The following MYRIP variants were observed in gnomAD, a reference collection of about 807,000 sequenced individuals.
MYRIP encodes rab effector MyRIP.
MYRIP carries 49 observed loss-of-function variants against 98.0 expected under a neutral mutation model. That is an observed-to-expected ratio of 0.50 (90% confidence interval 0.40 to 0.63). The LOEUF (loss-of-function observed/expected upper bound fraction) is 0.63, where lower values mean the gene tolerates loss of function less well. Among genes scored for constraint, MYRIP ranks in the 30% least tolerant of loss-of-function variants. The pLI, the probability that MYRIP is intolerant of heterozygous loss-of-function variation, is 0.00. For synonymous variants in MYRIP, 404 were observed against 409.5 expected (o/e 0.99, Z 0.16); for missense variants, 1,004 against 1,058.2 (o/e 0.95, Z 0.71).
intron 3 of MYRIP, among the ~76,000 whole-genome samples, chr3:40,075,517 CA>C (rs1350685848): frequency 1.3e-5 from 2 of 152,196 alleles, no homozygotes; most frequent in Non-Finnish European, 2.9e-5. Context: ...TAATATGAGG[CA>C]AGTTATTCAG....
chr3:39,955,624 A>G (rs1026850183), intron 2 of MYRIP, among the ~76,000 whole-genome samples: 12 of 152,244 alleles, frequency 7.9e-5, no homozygotes, highest in Non-Finnish European at 1.0e-4. Context: ...ATCAACTAAC[A>G]AGCAAAATAA....
At chr3:39,810,314 G>A (rs1405692911) in intron 1 of MYRIP, among the ~76,000 whole-genome samples, 1 of 152,260 alleles carries the variant, frequency 6.6e-6, no homozygotes, top group Non-Finnish European at 1.5e-5. Context: ...CGCCCCGCAA[G>A]CAGCCCAGCG....
intron 3 of MYRIP, among the ~76,000 whole-genome samples, chr3:40,143,775 A>C (rs1244569638): frequency 6.6e-6 from 1 of 152,214 alleles, no homozygotes; most frequent in African/African-American, 2.4e-5. Context: ...CACACATCTT[A>C]TCATTTTTGT....
chr3:39,992,215 C>G (rs1001477312), intron 2 of MYRIP, among the ~76,000 whole-genome samples: 6 of 152,158 alleles, frequency 3.9e-5, no homozygotes, highest in Non-Finnish European at 8.8e-5. Flanking sequence ...ACCCATTTAT[C>G]AAGCCTCTCA....
At chr3:40,034,568 A>G (rs1337470177) in intron 2 of MYRIP, among the ~76,000 whole-genome samples, 6 of 150,676 alleles carry the variant, frequency 4.0e-5, no homozygotes, top group Non-Finnish European at 5.9e-5. Flanking sequence ...AAAAGTCTGG[A>G]AACAACAGGT....
chr3:39,820,382 T>TTTTGTTTGTTTG (rs59564629), intron 1 of MYRIP, among the ~76,000 whole-genome samples: 6 of 151,124 alleles, frequency 4.0e-5, no homozygotes, highest in East Asian at 3.9e-4. Context: ...TACATGATGG[T>TTTTGTTTGTTTG]TTTGTTTGTT....
intron 5 of MYRIP, among the ~76,000 whole-genome samples, chr3:40,164,393 G>T (rs1055033412): frequency 2.0e-5 from 3 of 152,160 alleles, no homozygotes; most frequent in African/African-American, 7.2e-5. Flanking sequence ...AGGCCAGCAG[G>T]TTGAAAACTC....
chr3:40,200,250 G>A (rs1951518327), intron 10 of MYRIP, among the ~76,000 whole-genome samples: 1 of 151,540 alleles, frequency 6.6e-6, no homozygotes, highest in South Asian at 2.1e-4. Context: ...ATATGCTAAC[G>A]ATAGCTGATG....
At chr3:39,989,578 AC>A (rs1246924955) in intron 2 of MYRIP, among the ~76,000 whole-genome samples, 3 of 152,352 alleles carry the variant, frequency 2.0e-5, no homozygotes, top group African/African-American at 7.2e-5. Context: ...GGGGAAACCC[AC>A]ACATCTGGGC....
chr3:40,029,830 T>C (rs1947217785), intron 2 of MYRIP, among the ~76,000 whole-genome samples: 1 of 151,834 alleles, frequency 6.6e-6, no homozygotes. Context: ...GAAGCTGAGG[T>C]AGGAAGATTA....
intron 3 of MYRIP, among the ~76,000 whole-genome samples, chr3:40,074,990 A>T (rs1948313949): frequency 6.6e-6 from 1 of 152,250 alleles, no homozygotes; most frequent in Non-Finnish European, 1.5e-5. Context: ...ATACTAAAAT[A>T]GAAAAAGGAC....
chr3:39,869,150 T>A (rs1942710741), intron 1 of MYRIP, among the ~76,000 whole-genome samples: 1 of 152,196 alleles, frequency 6.6e-6, no homozygotes. Context: ...TTATCTTACA[T>A]CCCTTTTTAA....
intron 1 of MYRIP, among the ~76,000 whole-genome samples, chr3:39,876,338 T>C (rs1052780398): frequency 3.3e-5 from 5 of 152,242 alleles, no homozygotes; most frequent in African/African-American, 1.2e-4. Flanking sequence ...TTAGCCCATT[T>C]ACATTTAAAG....
chr3:40,041,206 T>C (rs1440849194), intron 2 of MYRIP, among the ~76,000 whole-genome samples: 1 of 131,654 alleles, frequency 7.6e-6, no homozygotes, highest in African/African-American at 2.7e-5. Context: ...TGTTGGTCAA[T>C]CATGACAGTA....
chr3:39,988,217 G>A (rs986918023), intron 2 of MYRIP, among the ~76,000 whole-genome samples: 35 of 151,964 alleles, frequency 2.3e-4, no homozygotes, highest in African/African-American at 8.5e-4. Context: ...GCTAAATGAC[G>A]AGTTAATGGG....
chr3:39,857,094 T>C (rs761893080), intron 1 of MYRIP, among the ~76,000 whole-genome samples: 3 of 151,952 alleles, frequency 2.0e-5, no homozygotes, highest in Admixed American at 2.0e-4. Context: ...ATGCCTATAG[T>C]CCCAGCTACT....
chr3:39,940,570 G>A (rs1211474943), intron 2 of MYRIP, among the ~76,000 whole-genome samples: 2 of 151,926 alleles, frequency 1.3e-5, no homozygotes, highest in Non-Finnish European at 2.9e-5. Context: ...TAAAATTTAT[G>A]GATTTAATAG....
At chr3:40,190,928 C>T (rs1354702698) in intron 10 of MYRIP, among the ~76,000 whole-genome samples, 1 of 152,206 alleles carries the variant, frequency 6.6e-6, no homozygotes, top group Non-Finnish European at 1.5e-5. Context: ...CTCTAGTTCT[C>T]AGTTTCCTCA....
At chr3:40,218,628 A>ATATTT (rs1952222192) in intron 11 of MYRIP, among the ~76,000 whole-genome samples, 1 of 19,130 alleles carries the variant, frequency 5.2e-5, no homozygotes, top group African/African-American at 8.7e-5. Flanking sequence ...ATATATATAT[A>ATATTT]TATATATATA....
Sources: gnomAD v4.1 joint callset for allele counts (sites outside exome capture counted in the v4.1 genomes callset) on GRCh38, gnomAD v4.1.1 for gene constraint, MANE v1.5 for transcripts, NCBI Gene and HGNC (gene_info 2026-07-23, HGNC 2026-07-21) for gene names.